GPC5: variants seen among roughly 807,000 people sequenced by gnomAD.
The protein encoded by GPC5 is glypican-5.
GPC5 carries 47 observed loss-of-function variants against 53.9 expected under a neutral mutation model. That is an observed-to-expected ratio of 0.87 (90% confidence interval 0.69 to 1.11). The LOEUF is 1.11. Ranked by LOEUF, GPC5 falls within the 50% of genes most tolerant of loss-of-function variation. The pLI is 0.00. For synonymous variants in GPC5, 286 were observed against 263.3 expected, an observed-to-expected ratio of 1.09 and a Z score of -0.84; for missense variants, 748 against 713.1, an observed-to-expected ratio of 1.05 and a Z score of -0.56.
At chr13:91,579,032 C>G (rs564016748) in intron 2 of GPC5, among the ~76,000 whole-genome samples, 1 of 152,074 alleles carries the variant, frequency 6.6e-6, no homozygotes, top group Admixed American at 6.6e-5. Flanking sequence ...GGTGACAAAA[C>G]GAAACCCTGT....
chr13:92,119,137 C>A (rs1198941866), intron 6 of GPC5, among the ~76,000 whole-genome samples: 1 of 152,130 alleles, frequency 6.6e-6, no homozygotes, highest in Non-Finnish European at 1.5e-5. Context: ...TGAGCAAAGT[C>A]ATGTCTTACA....
At chr13:91,521,322 A>G (rs1349972744) in intron 2 of GPC5, among the ~76,000 whole-genome samples, 1 of 152,224 alleles carries the variant, frequency 6.6e-6, no homozygotes, top group African/African-American at 2.4e-5. Context: ...AAGTTCCACA[A>G]TATTCAATGT....
At chr13:91,920,583 GACATGCATAAACATAC>G (rs1366723442) in intron 6 of GPC5, among the ~76,000 whole-genome samples, 3 of 152,118 alleles carry the variant, frequency 2.0e-5, no homozygotes, top group Non-Finnish European at 4.4e-5. Context: ...CACACACACA[GACATGCATAAACATAC>G]ACACACAAAG....
intron 5 of GPC5, among the ~76,000 whole-genome samples, chr13:91,775,232 A>T (rs2037691520): frequency 6.6e-6 from 1 of 152,184 alleles, no homozygotes; most frequent in Non-Finnish European, 1.5e-5. Flanking sequence ...GTTATGAAAA[A>T]TCCAGACTCT....
Position 91,571,830 on chromosome 13 carries a change from CACATATACTTGTGTGTATAT to C in GPC5, c.326-121353_326-121334del, listed in dbSNP as rs1263600587. Among the ~76,000 whole-genome samples, 710 of 95,078 alleles carry C rather than the reference CACATATACTTGTGTGTATAT, an allele frequency of 7.5e-3. 74 individuals carry two copies. Among genetic ancestry groups the C allele is most frequent in the African/African-American group, 0.025 (422 of 16,566 alleles). 62.4% of individuals were successfully genotyped at this position (95,078 alleles called of 152,430 possible). On this transcript the variant is annotated intron_variant, in intron 2 of 7. Transcript: ENST00000377067. ...ACACACATACGTGTGTGTATATATACACATATACTTGTGTGTATATACACATATACGTGTGTGTATATATA... is the reference window on the plus strand; with the variant it reads ...ACACACATACGTGTGTGTATATATACACACATATACGTGTGTGTATATATA...
intron 7 of GPC5, among the ~76,000 whole-genome samples, chr13:92,344,575 G>A (rs530924224): frequency 6.6e-6 from 1 of 152,298 alleles, no homozygotes; most frequent in South Asian, 2.1e-4. Context: ...TTATGGGAGA[G>A]CAGGACAGTC....
intron 2 of GPC5, among the ~76,000 whole-genome samples, chr13:91,582,553 G>A (rs2032405547): frequency 1.3e-5 from 2 of 152,164 alleles, no homozygotes; most frequent in South Asian, 4.1e-4. Flanking sequence ...AAAAAATGAT[G>A]TGTAATTTTT....
chr13:92,623,208 G>T lies in GPC5; in HGVS notation c.1562-243074G>T, dbSNP rs202142786. On this transcript the variant is annotated intron_variant, in intron 7 of 7. Coordinates refer to ENST00000377067, the MANE Select transcript of GPC5 (RefSeq NM_004466.6). The stretch of plus-strand genomic sequence containing the variant: ...GTGAAAAGTTATATGAACAGGGACA[G>T]AAAAAATGTTTAGGTAAAGAGCAAG... Among the ~76,000 whole-genome samples, 8 of 151,818 alleles carry T rather than the reference G, an allele frequency of 5.3e-5. No individual in the cohort carries two copies. The East Asian group carries it at 1.5e-3, about 29-fold the overall frequency.
At chr13:92,006,664 A>G (rs546287818) in intron 6 of GPC5, among the ~76,000 whole-genome samples, 1 of 152,278 alleles carries the variant, frequency 6.6e-6, no homozygotes, top group East Asian at 1.9e-4. Flanking sequence ...TCCTTGACCT[A>G]CCAAGATCTT....
chr13:92,288,146 T>C (rs554426223), intron 7 of GPC5, among the ~76,000 whole-genome samples: 36 of 152,288 alleles, frequency 2.4e-4, no homozygotes, highest in African/African-American at 8.4e-4. Flanking sequence ...CTTTAATTCA[T>C]GTTTCTGTTG....
At chr13:92,100,852 A>G (rs1438944031) in intron 6 of GPC5, among the ~76,000 whole-genome samples, 1 of 152,214 alleles carries the variant, frequency 6.6e-6, no homozygotes, top group African/African-American at 2.4e-5. Context: ...CCACTCAAGG[A>G]ATCTTTATTA....
chr13:92,641,737 A>G (rs1885600856), intron 7 of GPC5, among the ~76,000 whole-genome samples: 1 of 152,132 alleles, frequency 6.6e-6, no homozygotes, highest in Admixed American at 6.6e-5. Flanking sequence ...TTCTGTTCCC[A>G]GGTATCATAG....
chr13:92,653,153 G>T (rs752784025), intron 7 of GPC5, among the ~76,000 whole-genome samples: 6 of 152,212 alleles, frequency 3.9e-5, no homozygotes, highest in Non-Finnish European at 8.8e-5. Context: ...TGGGCACCAG[G>T]TGCCTAGGCT....
At chr13:91,648,164 AT>A (rs2034606779) in intron 2 of GPC5, among the ~76,000 whole-genome samples, 1 of 152,194 alleles carries the variant, frequency 6.6e-6, no homozygotes, top group South Asian at 2.1e-4. Flanking sequence ...TGCTATCCTG[AT>A]TCCAGGATGC....
At chr13:91,625,735 G>C (rs2033981777) in intron 2 of GPC5, among the ~76,000 whole-genome samples, 1 of 151,938 alleles carries the variant, frequency 6.6e-6, no homozygotes, top group Non-Finnish European at 1.5e-5. Flanking sequence ...ACGTTATTTA[G>C]GGAGAATGAA....
At chr13:91,834,799 G>A (rs2038704365) in intron 5 of GPC5, among the ~76,000 whole-genome samples, 1 of 152,154 alleles carries the variant, frequency 6.6e-6, no homozygotes. Flanking sequence ...AACCTTAGAA[G>A]AAAACGTAGG....
intron 7 of GPC5, among the ~76,000 whole-genome samples, chr13:92,508,076 G>C (rs1038350084): frequency 2.6e-5 from 4 of 152,058 alleles, no homozygotes; most frequent in Admixed American, 2.0e-4. Flanking sequence ...CAATTCCCCT[G>C]CCTCAGCCTC....
intron 2 of GPC5, among the ~76,000 whole-genome samples, chr13:91,628,072 C>T (rs1334425142): frequency 6.6e-6 from 1 of 151,872 alleles, no homozygotes; most frequent in African/African-American, 2.4e-5. Context: ...TGCAAGAGAC[C>T]ATATTAATAG....
intron 7 of GPC5, among the ~76,000 whole-genome samples, chr13:92,653,556 ATAAT>A (rs1886028863): frequency 6.6e-6 from 1 of 152,194 alleles, no homozygotes; most frequent in African/African-American, 2.4e-5. Flanking sequence ...TTCAAAGGGG[ATAAT>A]TAAAGAGAAT....
Sources: gnomAD v4.1 joint callset for allele counts (sites outside exome capture counted in the v4.1 genomes callset) on GRCh38, gnomAD v4.1.1 for gene constraint, MANE v1.5 for transcripts, NCBI Gene and HGNC (gene_info 2026-07-23, HGNC 2026-07-21) for gene names.